The following GAS2L3 variants were observed in gnomAD, a reference collection of about 807,000 sequenced individuals.
The protein encoded by GAS2L3 is growth arrest specific 2 like 3, also known as GAS2-like protein 3.
GAS2L3 carries 28 observed loss-of-function variants against 37.0 expected under a neutral mutation model. The ratio of observed to expected loss-of-function variants is 0.76; its 90% CI spans 0.56 to 1.04. GAS2L3 has a LOEUF of 1.04. Ranked by LOEUF, GAS2L3 falls within the 50% of genes least tolerant of loss-of-function variation. The probability of loss-of-function intolerance (pLI) is 0.00; values close to 1 mark genes in which losing one functional copy is unlikely to be tolerated. For synonymous variants in GAS2L3, 290 were observed against 296.6 expected (o/e 0.98, Z 0.23); for missense variants, 793 against 817.6 (o/e 0.97, Z 0.37).
At chr12:100,610,896 A>T (rs995303308) in intron 5 of GAS2L3, 1 of 152,014 alleles carries the variant, frequency 6.6e-6, no homozygotes, top group African/African-American at 2.4e-5. Context: ...AGGAACAACT[A>T]CTTCCTTATT....
At position 100,597,962 on chromosome 12, in the gene GAS2L3, GT is replaced by G. The variant is rs1037517342; in HGVS notation, c.19-2413del. Among the ~76,000 whole-genome samples the G allele has an allele frequency of 7.3e-5, 11 of 151,668 alleles. 1 individual carries two copies. Among genetic ancestry groups the G allele is most frequent in the South Asian group, 4.2e-4 (2 of 4,818 alleles). ...CTTACAGTTCTTTTTTAAAAGTTTGGTTTTTTTAAAAAAAAATTTTAAAGCC... is the reference window on the plus strand; with the variant it reads ...CTTACAGTTCTTTTTTAAAAGTTTGGTTTTTTAAAAAAAAATTTTAAAGCC... On this transcript the variant is annotated intron_variant, in intron 3 of 9. Coordinates refer to ENST00000547754, the MANE Select transcript of GAS2L3 (RefSeq NM_174942.3).
At chr12:100,616,108 A>G (rs1956184351) in intron 6 of GAS2L3, among the ~76,000 whole-genome samples, 2 of 152,320 alleles carry the variant, frequency 1.3e-5, no homozygotes, top group East Asian at 1.9e-4. Flanking sequence ...TTGTCTTCCA[A>G]TCCATGAACA....
chr12:100,597,993 C>G (rs1011031032), intron 3 of GAS2L3, among the ~76,000 whole-genome samples: 2 of 152,072 alleles, frequency 1.3e-5, no homozygotes, highest in African/African-American at 4.8e-5. Context: ...AAAGCCATCA[C>G]AGACTACAGA....
In GAS2L3 at chr12:100,621,427, TA is replaced by T. The variant is rs1027491684; in HGVS notation, c.649-842del. Among the ~76,000 whole-genome samples the T allele has an allele frequency of 5.9e-5, 9 of 152,008 alleles. No homozygotes were observed. In the South Asian group the frequency reaches 6.2e-4, roughly 11 times the overall value. Reference sequence around the variant, plus strand: ...TTTATATTTACTGCAGTTCTACCATTAAAAAATATTTATAATAATAGAAAAT... The same window carrying T: ...TTTATATTTACTGCAGTTCTACCATTAAAAATATTTATAATAATAGAAAAT... On this transcript the variant is annotated intron_variant, in intron 8 of 9. Transcript: ENST00000547754.
intron 6 of GAS2L3, among the ~76,000 whole-genome samples, chr12:100,613,658 G>A (rs369334465): frequency 2.0e-5 from 3 of 150,960 alleles, no homozygotes; most frequent in Non-Finnish European, 2.9e-5. Flanking sequence ...ACAGTGGCGC[G>A]ATCTCAGCTC....
chr12:100,605,297 A>G (rs1381250012), intron 5 of GAS2L3, among the ~76,000 whole-genome samples: 2 of 151,488 alleles, frequency 1.3e-5, no homozygotes, highest in Non-Finnish European at 3.0e-5. Flanking sequence ...TTTTGTTGTC[A>G]TACAGTTGCT....
chr12:100,598,515 C>T (rs1004219517), intron 3 of GAS2L3, among the ~76,000 whole-genome samples: 2 of 152,146 alleles, frequency 1.3e-5, no homozygotes, highest in South Asian at 2.1e-4. Context: ...TATTTGGTTC[C>T]GATGCTGTCT....
chr12:100,614,223 G>A (rs1956160450), intron 6 of GAS2L3, among the ~76,000 whole-genome samples: 1 of 152,030 alleles, frequency 6.6e-6, no homozygotes, highest in Admixed American at 6.5e-5. Context: ...CAGCACTTTG[G>A]GAGGCTGAGG....
At chr12:100,622,576 T>TCA (rs34653109) in intron 9 of GAS2L3, among the ~76,000 whole-genome samples, 194 bp downstream of exon 9, 109,796 of 150,846 alleles carry the variant, frequency 0.73, 40,294 homozygotes, top group East Asian at 0.95. Context: ...TAAACACTCA[T>TCA]CACAGCAAAC....
At chr12:100,585,597 G>A (rs916186221) in intron 1 of GAS2L3, among the ~76,000 whole-genome samples, 1 of 152,152 alleles carries the variant, frequency 6.6e-6, no homozygotes, top group East Asian at 1.9e-4. Flanking sequence ...TCCAGCTTCA[G>A]GTTGTTCATC....
intron 1 of GAS2L3, among the ~76,000 whole-genome samples, chr12:100,590,858 AC>A (rs951642020): frequency 3.3e-5 from 5 of 152,134 alleles, no homozygotes; most frequent in Admixed American, 3.3e-4. Context: ...GTGTGTTCTC[AC>A]TGATAGGTGG....
intron 8 of GAS2L3, among the ~76,000 whole-genome samples, chr12:100,621,536 T>G (rs1311646528): frequency 1.3e-5 from 2 of 152,000 alleles, no homozygotes; most frequent in East Asian, 3.9e-4. Flanking sequence ...ACAGAGCATT[T>G]TTAGAGAAAT....
At chr12:100,575,503 A>T (rs1272231988) in intron 1 of GAS2L3, among the ~76,000 whole-genome samples, 1 of 84,516 alleles carries the variant, frequency 1.2e-5, no homozygotes, top group Non-Finnish European at 2.1e-5. Context: ...TTTTTTTGAG[A>T]CAGAGTCTCG....
Position 100,580,293 on chromosome 12 carries a change from G to GT in GAS2L3, c.-152+6514dup, listed in dbSNP as rs1343117255. ...TTTTGGGGGCTTGTGTTTTTTATTA[G>GT]TTTTTTATAAGTTAATTTAGTAAGT... On this transcript the variant is annotated intron_variant, in intron 1 of 9. Transcript: ENST00000547754. The GT allele has an allele frequency of 2.3e-5, 9 of 394,336 alleles. No individual in the cohort carries two copies. In the South Asian group the frequency reaches 2.8e-4, roughly 12 times the overall value. The allele number at this position is 394,336 out of a possible 1,614,324, so 24.4% of individuals were successfully genotyped here.
In GAS2L3 at chr12:100,625,505, T is replaced by C. The variant is rs933586026; in HGVS notation, c.*615T>C. Reference sequence around the variant, plus strand: ...AAATTGGAAGGAACTGATTGTTTCATGTGGCTTATATTTACATTGGTAATA... The same window carrying C: ...AAATTGGAAGGAACTGATTGTTTCACGTGGCTTATATTTACATTGGTAATA... On this transcript the variant is annotated 3_prime_UTR_variant, in exon 10 of 10. Coordinates refer to ENST00000547754, the MANE Select transcript of GAS2L3 (RefSeq NM_174942.3). 3.3e-5 allele frequency: 5 copies of C among 151,742 alleles called. No homozygotes were observed. Among genetic ancestry groups the C allele is most frequent in the Non-Finnish European group, 5.9e-5 (4 of 68,032 alleles). 9.4% of individuals were successfully genotyped at this position (151,742 alleles called of 1,614,324 possible). A position where few individuals can be genotyped will look rare whatever the true frequency, so the allele number is the denominator to read the frequency against.
At chr12:100,615,512 TTATC>T (rs889585145) in intron 6 of GAS2L3, among the ~76,000 whole-genome samples, 5 of 152,136 alleles carry the variant, frequency 3.3e-5, no homozygotes, top group African/African-American at 1.2e-4. Flanking sequence ...GACATTTAAT[TTATC>T]TATTTTTCTT....
intron 1 of GAS2L3, among the ~76,000 whole-genome samples, chr12:100,581,006 C>T (rs973836741): frequency 1.3e-5 from 2 of 152,220 alleles, no homozygotes; most frequent in African/African-American, 4.8e-5. Flanking sequence ...GAGCCTTCAT[C>T]TTCCATTGTG....
chr12:100,624,616 C>T lies in GAS2L3; in HGVS notation c.1811C>T (p.Ser604Phe). 1 of 1,614,084 alleles carries T rather than the reference C, an allele frequency of 6.2e-7. No individual in the cohort carries two copies. Among genetic ancestry groups the T allele is most frequent in the Non-Finnish European group, 8.5e-7 (1 of 1,180,022 alleles). Reference sequence around the variant, plus strand: ...GCATTTCAGAAGACAGGACCCAGCTCCTTGAAGTCTCCTGGCCGTACCCCA... The same window carrying T: ...GCATTTCAGAAGACAGGACCCAGCTTCTTGAAGTCTCCTGGCCGTACCCCA... Reference protein sequence around the residue: ...KSAFQKTGPSSLKSPGRTPLS... With the variant: ...KSAFQKTGPSFLKSPGRTPLS... Residue 604 changes from serine to phenylalanine, a missense_variant, in exon 10 of 10, where the codon TCC becomes TTC. Ser to Phe is a radical substitution (Grantham distance 155, BLOSUM62 -2). Coordinates refer to ENST00000547754, the MANE Select transcript of GAS2L3 (RefSeq NM_174942.3).
rs1443698512 is a variant in GAS2L3, at chr12:100,624,910, A to G, written c.*20A>G. The G allele has an allele frequency of 7.3e-6, 11 of 1,500,172 alleles. No individual in the cohort carries two copies. In the African/African-American group the frequency reaches 1.6e-4, roughly 21 times the overall value. 92.9% of individuals were successfully genotyped at this position (1,500,172 alleles called of 1,614,324 possible). ...AAATAAATACATACTCATTATAAAA[A>G]AAGAGAAAAGGAAGAATGAATGTGT... On this transcript the variant is annotated 3_prime_UTR_variant, in exon 10 of 10. Coordinates refer to ENST00000547754, the MANE Select transcript of GAS2L3 (RefSeq NM_174942.3).
Sources: gnomAD v4.1 joint callset for allele counts (sites outside exome capture counted in the v4.1 genomes callset) on GRCh38, gnomAD v4.1.1 for gene constraint, MANE v1.5 for transcripts, NCBI Gene and HGNC (gene_info 2026-07-23, HGNC 2026-07-21) for gene names.